Variants in TCP11L2 observed in about 807,000 individuals in gnomAD.
The protein encoded by TCP11L2 is t-complex 11 like 2.
TCP11L2 carries 39 observed loss-of-function variants against 50.7 expected under a neutral mutation model. The observed-to-expected ratio is 0.77, with a 90% CI of 0.60 to 1.01. The LOEUF is 1.01. Among genes scored for constraint, TCP11L2 ranks in the 50% least tolerant of loss-of-function variants. The pLI is 0.00. For missense variants in TCP11L2, 612 were observed against 614.7 expected, an observed-to-expected ratio of 1.00 and a Z score of 0.05; for synonymous variants, 192 against 219.3, an observed-to-expected ratio of 0.88 and a Z score of 1.10.
chr12:106,344,577 G>A (rs1303659674), intron 9 of TCP11L2, among the ~76,000 whole-genome samples: 1 of 152,182 alleles, frequency 6.6e-6, no homozygotes, highest in Non-Finnish European at 1.5e-5. Context: ...AGAATTCTAA[G>A]ACATAGACAT....
intron 3 of TCP11L2, among the ~76,000 whole-genome samples, chr12:106,315,823 A>G (rs932061172): frequency 6.6e-6 from 1 of 152,214 alleles, no homozygotes; most frequent in Non-Finnish European, 1.5e-5. Context: ...CTATTATTAC[A>G]GATCAGTCGT....
intron 1 of TCP11L2, among the ~76,000 whole-genome samples, chr12:106,307,003 C>T (rs184225196): frequency 3.3e-5 from 5 of 152,286 alleles, no homozygotes; most frequent in African/African-American, 7.2e-5. Flanking sequence ...AAGCTGCACA[C>T]GAGCTGAGGA....
intron 4 of TCP11L2, 141 bp downstream of exon 4, chr12:106,318,605 C>A: frequency 9.7e-7 from 1 of 1,035,780 alleles, no homozygotes; most frequent in Non-Finnish European, 1.3e-6. Flanking sequence ...AAAATCAAAG[C>A]ACCACCAGAT....
chr12:106,346,351 C>T lies in TCP11L2; in HGVS notation c.1381C>T (p.Pro461Ser). The change falls in exon 10 of 10, where the codon CCT (proline) becomes TCT (serine). Residue 461 changes from proline to serine, a missense_variant. By Grantham distance (74) the Pro-to-Ser change is moderately conservative (BLOSUM62 -1). Coordinates refer to ENST00000299045, the MANE Select transcript of TCP11L2 (RefSeq NM_152772.3). ...TCCAAGCCCTCAAAAATGCATGCCT[C>T]CTATGCCAGGAGGCCTAGCTGTCAT... is the stretch of plus-strand genomic sequence containing the variant. ...CLPSPQKCMP[P>S]MPGGLAVIQQ... The T allele has an allele frequency of 6.2e-7, 1 of 1,614,140 alleles. No individual in the cohort carries two copies. Among genetic ancestry groups the T allele is most frequent in the South Asian group, 1.1e-5 (1 of 91,078 alleles).
intron 5 of TCP11L2, among the ~76,000 whole-genome samples, chr12:106,322,104 C>G (rs2035361257): frequency 6.6e-6 from 1 of 152,172 alleles, no homozygotes; most frequent in Non-Finnish European, 1.5e-5. Context: ...GTTAGGGTCA[C>G]TAGCTGCTAT....
At chr12:106,318,724 G>C (rs1243058347) in intron 4 of TCP11L2, among the ~76,000 whole-genome samples, 2 of 152,014 alleles carry the variant, frequency 1.3e-5, no homozygotes, top group African/African-American at 4.8e-5. Context: ...TTGTTGTTTT[G>C]TTTTGAGACG....
At chr12:106,336,811 T>A (rs189066269) in intron 8 of TCP11L2, among the ~76,000 whole-genome samples, 1 of 152,018 alleles carries the variant, frequency 6.6e-6, no homozygotes, top group African/African-American at 2.4e-5. Context: ...TCGGCCTCCC[T>A]AGAATTGTGC....
chr12:106,311,025 CTGTT>C lies in TCP11L2; in HGVS notation c.-35-12_-35-9del. ...GTACCACAGAACATTGACGCAGGGT[CTGTT>C]TGTCTGTGCAGGTGCTACCTTTTTA... On this transcript the variant is annotated splice_polypyrimidine_tract_variant and intron_variant, in intron 1 of 9. Transcript: ENST00000299045. 4 of 1,593,286 alleles carry C rather than the reference CTGTT, an allele frequency of 2.5e-6. No individual in the cohort carries two copies. Among genetic ancestry groups the C allele is most frequent in the East Asian group, 2.2e-5 (1 of 44,668 alleles).
At chr12:106,315,325 G>A (rs2035035770) in intron 3 of TCP11L2, among the ~76,000 whole-genome samples, 1 of 152,146 alleles carries the variant, frequency 6.6e-6, no homozygotes, top group Admixed American at 6.5e-5. Flanking sequence ...GTCACTTCCT[G>A]AGGGAAGCTT....
chr12:106,329,455 C>G lies in TCP11L2; in HGVS notation c.772+5809C>G, dbSNP rs1478237958. Reference sequence around the variant, plus strand: ...CCCTAAGAGAAGAGCCAACGTTTCACTCTAAACGCATGCTCCTTCTGCTTT... The same window carrying G: ...CCCTAAGAGAAGAGCCAACGTTTCAGTCTAAACGCATGCTCCTTCTGCTTT... On this transcript the variant is annotated intron_variant, in intron 6 of 9. Coordinates refer to ENST00000299045, the MANE Select transcript of TCP11L2 (RefSeq NM_152772.3). 8 of 1,531,880 alleles carry G rather than the reference C, an allele frequency of 5.2e-6. No individual in the cohort carries two copies. The East Asian group carries it at 2.0e-4, about 37-fold the overall frequency. The allele number at this position is 1,531,880 out of a possible 1,614,324, so 94.9% of individuals were successfully genotyped here.
intron 3 of TCP11L2, among the ~76,000 whole-genome samples, chr12:106,314,713 AT>A (rs1378082385): frequency 6.6e-6 from 1 of 152,094 alleles, no homozygotes; most frequent in Non-Finnish European, 1.5e-5. Context: ...TTTTAAAAAA[AT>A]TCTCGCTGGG....
intron 4 of TCP11L2, among the ~76,000 whole-genome samples, chr12:106,321,182 C>T (rs1171437676): frequency 6.6e-6 from 1 of 152,218 alleles, no homozygotes; most frequent in Admixed American, 6.5e-5. Flanking sequence ...AGGAACCTGT[C>T]AGCAATATTA....
In TCP11L2 at chr12:106,313,754, A is replaced by G. The variant is rs1024664693; in HGVS notation, c.158-604A>G. ...CAGATTTCAATGGGCACTAAAAATGAGGTAATTTAATTTTTTTTTTTTTTT... is the reference window on the plus strand; with the variant it reads ...CAGATTTCAATGGGCACTAAAAATGGGGTAATTTAATTTTTTTTTTTTTTT... On this transcript the variant is annotated intron_variant, in intron 2 of 9. Coordinates refer to ENST00000299045, the MANE Select transcript of TCP11L2 (RefSeq NM_152772.3). Among the ~76,000 whole-genome samples, 361 of 143,926 alleles carry G rather than the reference A, an allele frequency of 2.5e-3. 4 individuals are homozygous for G. The highest frequency in any genetic ancestry group is 8.9e-3 in the African/African-American group (342 of 38,332). 94.4% of individuals were successfully genotyped at this position (143,926 alleles called of 152,430 possible).
At chr12:106,302,301 GCCCCGCTCAGCCCCCGCTCC>G (rs780386341), upstream of TCP11L2, among the ~76,000 whole-genome samples, 1,883 of 114,100 alleles carry the variant, frequency 0.017, 168 homozygotes, top group Middle Eastern at 0.037. Context: ...CCTCCCCAGA[GCCCCGCTCAGCCCCCGCTCC>G]CCCCGCTCAG....
At chr12:106,320,777 G>A (rs999896041) in intron 4 of TCP11L2, among the ~76,000 whole-genome samples, 3 of 152,212 alleles carry the variant, frequency 2.0e-5, no homozygotes, top group African/African-American at 7.2e-5. Context: ...TCATACAGAT[G>A]CACAACAATA....
intron 2 of TCP11L2, among the ~76,000 whole-genome samples, chr12:106,313,950 T>C (rs1393245342): frequency 6.6e-6 from 1 of 151,998 alleles, no homozygotes; most frequent in Non-Finnish European, 1.5e-5. Flanking sequence ...GTATTTTTAG[T>C]AGAGACGGGG....
At position 106,329,220 on chromosome 12, in the gene TCP11L2, A is replaced by AT. The variant is rs1177876931; in HGVS notation, c.772+5577dup. ...CTTCTCGAGTGCAGGGACTGTGCTT[A>AT]TTTACCTTTAAATCCCCAGTACTTG... On this transcript the variant is annotated intron_variant, in intron 6 of 9. Coordinates refer to ENST00000299045, the MANE Select transcript of TCP11L2 (RefSeq NM_152772.3). 4.4e-6 allele frequency: 6 copies of AT among 1,353,770 alleles called. No homozygotes were observed. The Admixed American group carries it at 8.0e-5, about 18-fold the overall frequency. The allele number at this position is 1,353,770 out of a possible 1,614,324, so 83.9% of individuals were successfully genotyped here.
intron 6 of TCP11L2, among the ~76,000 whole-genome samples, chr12:106,332,236 A>G (rs2035772469): frequency 6.6e-6 from 1 of 152,148 alleles, no homozygotes; most frequent in South Asian, 2.1e-4. Flanking sequence ...CAAAGGTAAA[A>G]CTCTGGGAAA....
At chr12:106,317,455 G>T (rs752053135) in intron 3 of TCP11L2, among the ~76,000 whole-genome samples, 2 of 152,246 alleles carry the variant, frequency 1.3e-5, no homozygotes, top group Non-Finnish European at 2.9e-5. Flanking sequence ...GGCGGAGGCC[G>T]CAGTAAGCTG....
Sources: allele counts gnomAD v4.1 joint callset (sites outside exome capture counted in the v4.1 genomes callset), GRCh38; gene constraint gnomAD v4.1.1; transcripts MANE v1.5; gene names NCBI Gene and HGNC (gene_info 2026-07-23, HGNC 2026-07-21).